The following PARD3 variants were observed in gnomAD, a reference collection of about 807,000 sequenced individuals.
PARD3 encodes partitioning defective 3 homolog.
In PARD3, 75 loss-of-function variants were observed where a neutral mutation model predicts 155.4. That is an observed-to-expected ratio of 0.48 (90% CI 0.40 to 0.58). The LOEUF (loss-of-function observed/expected upper bound fraction) is 0.58, where lower values mean the gene tolerates loss of function less well. Among genes scored for constraint, PARD3 ranks in the 20% least tolerant of loss-of-function variants. The probability of loss-of-function intolerance (pLI) is 0.00; values close to 1 mark genes in which losing one functional copy is unlikely to be tolerated. For missense variants in PARD3, 1,642 were observed against 1,721.7 expected, an observed-to-expected ratio of 0.95 and a Z score of 0.82; for synonymous variants, 576 against 610.5, an observed-to-expected ratio of 0.94 and a Z score of 0.83.
rs543531050 is a variant in PARD3 at position 34,599,175 on chromosome 10, T to C, written c.223-82016A>G. 4.1e-4 allele frequency among the ~76,000 whole-genome samples: 63 copies of C among 152,302 alleles called. No individual in the cohort carries two copies. The South Asian group carries it at 7.0e-3, about 17-fold the overall frequency. ...TTCCGTCATCAGCACATTCCGAAGA[T>C]GACTCCATCATAACTCTTAGCGTAA... On this transcript the variant is annotated intron_variant, in intron 2 of 24. Transcript: ENST00000374788.
At chr10:34,212,205 C>T (rs373850586) in intron 22 of PARD3, among the ~76,000 whole-genome samples, 7 of 152,116 alleles carry the variant, frequency 4.6e-5, no homozygotes, top group South Asian at 2.1e-4. Flanking sequence ...CATCATGACT[C>T]CTCCCCCATC....
chr10:34,497,894 C>T (rs530881228), intron 3 of PARD3, among the ~76,000 whole-genome samples: 1 of 152,166 alleles, frequency 6.6e-6, no homozygotes, highest in African/African-American at 2.4e-5. Context: ...AATAAAGTTA[C>T]ACATGTAAAA....
intron 2 of PARD3, among the ~76,000 whole-genome samples, chr10:34,556,381 CTTTCT>C (rs780576005): frequency 3.3e-3 from 425 of 130,016 alleles, no homozygotes; most frequent in African/African-American, 0.014. Context: ...TCCTTTTCTT[CTTTCT>C]TTTTTTTTTT....
At chr10:34,695,864 G>A (rs1334466746) in intron 2 of PARD3, among the ~76,000 whole-genome samples, 5 of 152,264 alleles carry the variant, frequency 3.3e-5, no homozygotes, top group Admixed American at 2.6e-4. Context: ...GGACACACTC[G>A]CCCACTGCAC....
chr10:34,746,096 C>T (rs895845320), intron 1 of PARD3, among the ~76,000 whole-genome samples: 5 of 151,628 alleles, frequency 3.3e-5, no homozygotes, highest in African/African-American at 9.7e-5. Flanking sequence ...AGCAAGACTC[C>T]ATCTCAAAAA....
chr10:34,803,068 A>G (rs1482934640), intron 1 of PARD3, among the ~76,000 whole-genome samples: 1 of 120,740 alleles, frequency 8.3e-6, no homozygotes, highest in Non-Finnish European at 1.7e-5. Context: ...TCTACTAAAA[A>G]TGAAAAAAAA....
intron 22 of PARD3, among the ~76,000 whole-genome samples, chr10:34,172,174 A>G (rs900993859): frequency 6.6e-6 from 1 of 152,110 alleles, no homozygotes; most frequent in African/African-American, 2.4e-5. Flanking sequence ...ATGTGGCTTA[A>G]ATTTTCCACA....
chr10:34,702,527 G>A (rs2094297874), intron 1 of PARD3, among the ~76,000 whole-genome samples: 1 of 152,146 alleles, frequency 6.6e-6, no homozygotes, highest in Non-Finnish European at 1.5e-5. Context: ...TCAGACAGCA[G>A]GTCTGGACTG....
At chr10:34,218,719 G>C (rs1952131021) in intron 22 of PARD3, among the ~76,000 whole-genome samples, 1 of 151,774 alleles carries the variant, frequency 6.6e-6, no homozygotes, top group Non-Finnish European at 1.5e-5. Flanking sequence ...TGAGTGGAAA[G>C]ATGGATTGGA....
intron 2 of PARD3, among the ~76,000 whole-genome samples, chr10:34,528,240 G>C (rs975935991): frequency 2.6e-5 from 4 of 152,180 alleles, no homozygotes; most frequent in Non-Finnish European, 4.4e-5. Context: ...AATGGACTTA[G>C]TCAAGCACAA....
rs145125212 is a variant in PARD3, at chr10:34,299,954, A to G, written c.3066-15709T>C. ...AATTGTGTCACAGTAGGAAAAACAT[A>G]TAAGTCTACACTTTCCTGGGAAATA... On this transcript the variant is annotated intron_variant, in intron 20 of 24. Transcript: ENST00000374788. Among the ~76,000 whole-genome samples the G allele has an allele frequency of 3.0e-4, 45 of 152,350 alleles. 1 individual carries two copies. The East Asian group carries it at 5.2e-3, about 18-fold the overall frequency.
At chr10:34,230,047 A>G (rs1952837788) in intron 22 of PARD3, among the ~76,000 whole-genome samples, 1 of 152,176 alleles carries the variant, frequency 6.6e-6, no homozygotes, top group African/African-American at 2.4e-5. Context: ...GTGCGACAGA[A>G]AAGGCAAATA....
intron 20 of PARD3, among the ~76,000 whole-genome samples, chr10:34,305,538 T>G (rs1304718642): frequency 6.6e-6 from 1 of 152,244 alleles, no homozygotes; most frequent in Non-Finnish European, 1.5e-5. Context: ...TAGGCAGACA[T>G]GAAAGGGCAA....
At chr10:34,730,165 T>A (rs2094791494) in intron 1 of PARD3, among the ~76,000 whole-genome samples, 1 of 152,166 alleles carries the variant, frequency 6.6e-6, no homozygotes, top group Admixed American at 6.5e-5. Context: ...TGTATACATC[T>A]TCTCCCTCAT....
At chr10:34,716,333 CT>C (rs2094519039) in intron 1 of PARD3, among the ~76,000 whole-genome samples, 3 of 152,290 alleles carry the variant, frequency 2.0e-5, no homozygotes, top group Admixed American at 6.5e-5. Flanking sequence ...CCCTAGGATA[CT>C]TTAAAGTTTC....
chr10:34,293,457 A>G (rs1165920586), intron 20 of PARD3, among the ~76,000 whole-genome samples: 1 of 152,150 alleles, frequency 6.6e-6, no homozygotes, highest in Non-Finnish European at 1.5e-5. Flanking sequence ...AACTAAATTG[A>G]CGTTATTATA....
intron 15 of PARD3, 134 bp from the exon 16 acceptor site, chr10:34,341,950 G>T: frequency 1.8e-6 from 1 of 546,796 alleles, no homozygotes; most frequent in Non-Finnish European, 3.2e-6. Context: ...GAACAAAACA[G>T]AATTTAGCAC....
In PARD3 at chr10:34,317,115, G is replaced by T; in HGVS notation, c.3057C>A (p.Asp1019Glu). The T allele has an allele frequency of 1.3e-6, 2 of 1,552,712 alleles. No individual in the cohort carries two copies. The highest frequency in any genetic ancestry group is 1.7e-6 in the Non-Finnish European group (2 of 1,147,996). The change falls in exon 20 of 25, where the codon GAC becomes GAA. Residue 1019 changes from aspartate to glutamate, a missense_variant. By Grantham distance (45) the Asp-to-Glu change is conservative. This residue lies in a region of PARD3 where 1,529 missense variants were observed against 1,587.3 expected (regional missense o/e 0.96). Transcript: ENST00000374788. ...GGATGGTAACGACTTACCTGAACATGTCTCCCAAGCCCTTCAGCATTCCCT... is the reference window on the plus strand; with the variant it reads ...GGATGGTAACGACTTACCTGAACATTTCTCCCAAGCCCTTCAGCATTCCCT... ...AKKGMLKGLG[D>E]MFRFGKHRKD...
chr10:34,609,057 T>C (rs1386571229), intron 2 of PARD3, among the ~76,000 whole-genome samples: 1 of 152,124 alleles, frequency 6.6e-6, no homozygotes, highest in East Asian at 1.9e-4. Flanking sequence ...GCCCAGAACA[T>C]TTAAAAAATC....
Sources: allele counts gnomAD v4.1 joint callset (sites outside exome capture counted in the v4.1 genomes callset), GRCh38; gene constraint gnomAD v4.1.1; regional missense constraint gnomAD v4.1.1; transcripts MANE v1.5; gene names NCBI Gene and HGNC (gene_info 2026-07-23, HGNC 2026-07-21).